Variants in VMP1 observed in about 807,000 individuals in gnomAD.
The protein encoded by VMP1 is vacuole membrane protein 1, also known as ectopic P-granules autophagy protein 3 homolog.
Under a neutral mutation model 56.0 loss-of-function variants are expected in VMP1, and 11 were observed. That is an observed-to-expected ratio of 0.20 (90% CI 0.12 to 0.32). The LOEUF is 0.32. Among genes scored for constraint, VMP1 ranks in the 10% least tolerant of loss-of-function variants. The pLI is 1.00. For synonymous variants in VMP1, 149 were observed against 165.0 expected (o/e 0.90, Z 0.74); for missense variants, 296 against 490.3 (o/e 0.60, Z 3.74).
In VMP1 at chr17:59,748,195, CAAAAA is replaced by C. The variant is rs36016640; in HGVS notation, c.414+9266_414+9270del. Among the ~76,000 whole-genome samples the C allele has an allele frequency of 1.1e-4, 11 of 103,124 alleles. No individual in the cohort carries two copies. The Admixed American group carries it at 1.1e-3, about 10-fold the overall frequency. The allele number at this position is 103,124 out of a possible 152,430, so 67.7% of individuals were successfully genotyped here. A position where few individuals can be genotyped will look rare whatever the true frequency, so the allele number is the denominator to read the frequency against. On this transcript the variant is annotated intron_variant, in intron 5 of 11. Transcript: ENST00000262291. Reference sequence around the variant, plus strand: ...TGGGCAATAGAGCGAGACTCCGTCTCAAAAAAAAAAAAAAAAAAAAAACCTTTCCT... The same window carrying C: ...TGGGCAATAGAGCGAGACTCCGTCTCAAAAAAAAAAAAAAAAACCTTTCCT...
chr17:59,732,866 A>T (rs2034884171), intron 2 of VMP1, among the ~76,000 whole-genome samples: 1 of 152,214 alleles, frequency 6.6e-6, no homozygotes, highest in African/African-American at 2.4e-5. Flanking sequence ...CTATAACTGT[A>T]CATGAAAAAC....
intron 7 of VMP1, among the ~76,000 whole-genome samples, chr17:59,794,927 C>T (rs186676222): frequency 4.7e-4 from 71 of 151,762 alleles, no homozygotes; most frequent in African/African-American, 1.7e-3. Flanking sequence ...AGTAATAGCA[C>T]CCATTTCTAC....
chr17:59,748,172 G>A (rs2143888093), intron 5 of VMP1, among the ~76,000 whole-genome samples: 1 of 149,378 alleles, frequency 6.7e-6, no homozygotes, highest in South Asian at 2.1e-4. Context: ...CTCCAGCCTG[G>A]GCAATAGAGC....
At chr17:59,780,303 T>C (rs998057310) in intron 7 of VMP1, among the ~76,000 whole-genome samples, 2 of 152,344 alleles carry the variant, frequency 1.3e-5, no homozygotes, top group South Asian at 4.1e-4. Flanking sequence ...AGAAATCATA[T>C]ACTGTTGCCT....
chr17:59,745,370 A>AT (rs1199151673), intron 5 of VMP1, among the ~76,000 whole-genome samples: 1 of 152,218 alleles, frequency 6.6e-6, no homozygotes, highest in Non-Finnish European at 1.5e-5. Context: ...AAGTGTAAAA[A>AT]TTTTAATTAA....
chr17:59,719,245 A>G (rs1438807356), intron 1 of VMP1, among the ~76,000 whole-genome samples: 2 of 152,128 alleles, frequency 1.3e-5, no homozygotes, highest in Admixed American at 1.3e-4. Flanking sequence ...CTTGAGCCCA[A>G]GAGTTCCAGC....
chr17:59,833,573 A>G (rs2038884765), intron 10 of VMP1, among the ~76,000 whole-genome samples: 1 of 152,332 alleles, frequency 6.6e-6, no homozygotes, highest in East Asian at 1.9e-4. Context: ...CTAGTCTTTC[A>G]TGGAAACCTC....
chr17:59,796,806 A>G (rs749880577), intron 7 of VMP1, among the ~76,000 whole-genome samples: 1 of 152,184 alleles, frequency 6.6e-6, no homozygotes, highest in Non-Finnish European at 1.5e-5. Context: ...TTCAATTGAC[A>G]GTTATTATCA....
intron 7 of VMP1, among the ~76,000 whole-genome samples, chr17:59,797,957 G>T (rs2037502967): frequency 6.6e-6 from 1 of 152,212 alleles, no homozygotes; most frequent in Non-Finnish European, 1.5e-5. Context: ...GGTAATGGAA[G>T]CCAATGTTAG....
chr17:59,710,435 G>A (rs2033872203), intron 1 of VMP1, among the ~76,000 whole-genome samples: 1 of 152,102 alleles, frequency 6.6e-6, no homozygotes, highest in Non-Finnish European at 1.5e-5. Context: ...TCTTATTATG[G>A]TTTGGTAATA....
intron 7 of VMP1, among the ~76,000 whole-genome samples, chr17:59,805,260 C>T (rs1026311012): frequency 1.3e-5 from 2 of 152,164 alleles, no homozygotes; most frequent in African/African-American, 4.8e-5. Context: ...GTCTGTTTTT[C>T]GTTCTTGCCT....
At chr17:59,803,208 T>A (rs2037735804) in intron 7 of VMP1, among the ~76,000 whole-genome samples, 1 of 152,212 alleles carries the variant, frequency 6.6e-6, no homozygotes, top group Non-Finnish European at 1.5e-5. Flanking sequence ...CCTTGTAGTT[T>A]CTCTTCTCTC....
intron 7 of VMP1, among the ~76,000 whole-genome samples, chr17:59,782,408 C>T (rs2144078495): frequency 6.6e-6 from 1 of 152,088 alleles, no homozygotes; most frequent in Non-Finnish European, 1.5e-5. Context: ...TAATTTGCAT[C>T]TTTTTTCCTA....
chr17:59,798,790 G>T (rs1319939281), intron 7 of VMP1, among the ~76,000 whole-genome samples: 1 of 152,186 alleles, frequency 6.6e-6, no homozygotes, highest in Non-Finnish European at 1.5e-5. Flanking sequence ...GGAGGCTGAG[G>T]CAGGAGAATT....
chr17:59,737,691 C>A, intron 4 of VMP1, 148 bp downstream of exon 4: 1 of 611,802 alleles, frequency 1.6e-6, no homozygotes, highest in Non-Finnish European at 2.7e-6. Context: ...CTTTTAAAGG[C>A]ATACACTAAA....
chr17:59,711,956 A>G (rs1302173893), intron 1 of VMP1, among the ~76,000 whole-genome samples: 2 of 152,238 alleles, frequency 1.3e-5, no homozygotes. Context: ...AGCCAGGGCT[A>G]TAAAGCTAGA....
intron 6 of VMP1, among the ~76,000 whole-genome samples, chr17:59,767,963 A>T (rs1333804795): frequency 6.6e-6 from 1 of 151,068 alleles, no homozygotes; most frequent in Non-Finnish European, 1.5e-5. Context: ...ACAAAAAATT[A>T]GCTGGGCATG....
chr17:59,752,902 A>G (rs546455157), intron 5 of VMP1, among the ~76,000 whole-genome samples: 3 of 152,240 alleles, frequency 2.0e-5, no homozygotes, highest in Non-Finnish European at 4.4e-5. Context: ...TTACTATAGT[A>G]TAACCATTTT....
intron 5 of VMP1, among the ~76,000 whole-genome samples, chr17:59,744,011 T>A (rs937077970): frequency 6.6e-6 from 1 of 151,974 alleles, no homozygotes; most frequent in Non-Finnish European, 1.5e-5. Context: ...CCCTTAAGTA[T>A]GATGTTAGCT....
Sources: allele counts gnomAD v4.1 joint callset (sites outside exome capture counted in the v4.1 genomes callset), GRCh38; gene constraint gnomAD v4.1.1; transcripts MANE v1.5; gene names NCBI Gene and HGNC (gene_info 2026-07-23, HGNC 2026-07-21).